Variants in ZHX1 observed in about 807,000 individuals in gnomAD.
ZHX1 encodes zinc fingers and homeoboxes protein 1.
ZHX1 carries 20 observed loss-of-function variants against 61.8 expected under a neutral mutation model. The ratio of observed to expected loss-of-function variants is 0.32; its 90% confidence interval spans 0.23 to 0.47. The LOEUF (loss-of-function observed/expected upper bound fraction) is 0.47, where lower values mean the gene tolerates loss of function less well. Ranked by LOEUF, ZHX1 falls within the 20% of genes least tolerant of loss-of-function variation. ZHX1 has a pLI of 1.00. For synonymous variants in ZHX1, 318 were observed against 352.6 expected (o/e 0.90, Z 1.10); for missense variants, 800 against 1,034.8 (o/e 0.77, Z 3.11).
rs755852551 is a variant in ZHX1 at position 123,254,362 on chromosome 8, G to T, written c.1585C>A (p.His529Asn). 2 of 1,613,978 alleles carry T rather than the reference G, an allele frequency of 1.2e-6. No homozygotes were observed. Among genetic ancestry groups the T allele is most frequent in the Admixed American group, 1.7e-5 (1 of 60,000 alleles). ...QRNSKSNQCL[H>N]LNNDSSTTII... is the part of the protein sequence containing the mutation. ...GTGGTAGAGGAATCATTGTTGAGAT[G>T]TAAGCACTGATTACTCTTTGAATTT... Residue 529 changes from histidine to asparagine, a missense_variant, in exon 3 of 4, where the codon CAT becomes AAT. By Grantham distance (68) the His-to-Asn change is moderately conservative (BLOSUM62 1). Transcript: ENST00000395571. This position sits in a 1 kb window ranked among gnomAD's most constrained non-coding sequence, Gnocchi z 4.1.
intron 2 of ZHX1, among the ~76,000 whole-genome samples, chr8:123,267,009 G>C (rs1826481025): frequency 6.6e-6 from 1 of 152,086 alleles, no homozygotes; most frequent in East Asian, 1.9e-4. Context: ...TGACACAGCA[G>C]ATTTTATCAA....
At chr8:123,258,954 AAG>A (rs1214339267) in intron 2 of ZHX1, among the ~76,000 whole-genome samples, 1 of 152,224 alleles carries the variant, frequency 6.6e-6, no homozygotes, top group Non-Finnish European at 1.5e-5. Flanking sequence ...AATGGAGAAG[AAG>A]AGAGTTTGCT....
chr8:123,274,778 CCCGCCTTCCTTGCGCT>C, upstream of ZHX1, among the ~76,000 whole-genome samples: 1 of 152,306 alleles, frequency 6.6e-6, no homozygotes, highest in Admixed American at 6.5e-5. Flanking sequence ...AGAAGGCAGC[CCCGCCTTCCTTGCGCT>C]CCGCCTTCCT....
At position 123,255,065 on chromosome 8, in the gene ZHX1, A is replaced by G; in HGVS notation, c.882T>C (p.Asp294=). The part of the protein sequence containing the change: ...NSIPTYNAAL[D]NNPLLLNTYN... ...AGGTGTTAAGTAAAAGGGGATTGTT[A>G]TCCAATGCAGCATTGTAGGTGGGAA... The change falls in exon 3 of 4, where the codon GAT becomes GAC. Residue 294 remains aspartate, a synonymous_variant. Coordinates refer to ENST00000395571, the MANE Select transcript of ZHX1 (RefSeq NM_007222.5). The G allele has an allele frequency of 6.2e-7, 1 of 1,614,176 alleles. No homozygotes were observed. Among genetic ancestry groups the G allele is most frequent in the Non-Finnish European group, 8.5e-7 (1 of 1,180,030 alleles).
chr8:123,265,503 T>C (rs577117594), intron 2 of ZHX1, among the ~76,000 whole-genome samples: 2 of 152,282 alleles, frequency 1.3e-5, no homozygotes, highest in South Asian at 4.1e-4. Context: ...TAGGTCATAT[T>C]AAAACAAAAG....
Position 123,254,351 on chromosome 8 carries a change from A to G in ZHX1, c.1596T>C (p.Asn532=). 1 of 1,614,084 alleles carries G rather than the reference A, an allele frequency of 6.2e-7. No homozygotes were observed. Among genetic ancestry groups the G allele is most frequent in the Non-Finnish European group, 8.5e-7 (1 of 1,180,000 alleles). ...CTATAATAATGGTGGTAGAGGAATCATTGTTGAGATGTAAGCACTGATTAC... is the reference window on the plus strand; with the variant it reads ...CTATAATAATGGTGGTAGAGGAATCGTTGTTGAGATGTAAGCACTGATTAC... ...SKSNQCLHLN[N]DSSTTIIIDS... is the part of the protein sequence containing the mutation. The change falls in exon 3 of 4, where the codon AAT becomes AAC. Residue 532 remains asparagine (N), a synonymous_variant. Coordinates refer to ENST00000395571, the MANE Select transcript of ZHX1 (RefSeq NM_007222.5). The surrounding 1 kb of genome is among the most constrained non-coding windows in gnomAD (Gnocchi z 4.1).
In ZHX1 at chr8:123,267,300, C is replaced by A; in HGVS notation, c.-253G>T. On this transcript the variant is annotated 5_prime_UTR_variant, in exon 2 of 4. Coordinates refer to ENST00000395571, the MANE Select transcript of ZHX1 (RefSeq NM_007222.5). Reference sequence around the variant, plus strand: ...GCCACAGCTTCCTTAGCATTCTGTTCTTTGAAATGGAAGGGTATCCCTTCT... The same window carrying A: ...GCCACAGCTTCCTTAGCATTCTGTTATTTGAAATGGAAGGGTATCCCTTCT... 1 of 1,530,526 alleles carries A rather than the reference C, an allele frequency of 6.5e-7. No homozygotes were observed. Among genetic ancestry groups the A allele is most frequent in the South Asian group, 1.2e-5 (1 of 83,356 alleles). 94.8% of individuals were successfully genotyped at this position (1,530,526 alleles called of 1,614,324 possible). A position where few individuals can be genotyped will look rare whatever the true frequency, so the allele number is the denominator to read the frequency against.
rs1315398271 is a variant in ZHX1 at position 123,255,234 on chromosome 8, A to G, written c.713T>C (p.Ile238Thr). Residue 238 changes from isoleucine (I) to threonine (T), a missense_variant, in exon 3 of 4, where the codon ATT becomes ACT. Coordinates refer to ENST00000395571, the MANE Select transcript of ZHX1 (RefSeq NM_007222.5). Reference protein sequence around the residue: ...SASESNTSTSIVNRIHPSTAS... With the variant: ...SASESNTSTSTVNRIHPSTAS... ...AGTACTTGGATGTATTCTGTTTACAATGGAAGTACTTGTATTAGATTCAGA... is the reference window on the plus strand; with the variant it reads ...AGTACTTGGATGTATTCTGTTTACAGTGGAAGTACTTGTATTAGATTCAGA... 2 of 1,614,216 alleles carry G rather than the reference A, an allele frequency of 1.2e-6. No individual in the cohort carries two copies. Among genetic ancestry groups the G allele is most frequent in the East Asian group, 2.2e-5 (1 of 44,888 alleles).
chr8:123,249,309 A>G lies in ZHX1; in HGVS notation c.*1015T>C, dbSNP rs1825852519. 1 of 152,190 alleles carries G rather than the reference A, an allele frequency of 6.6e-6. No homozygotes were observed. Among genetic ancestry groups the G allele is most frequent in the African/African-American group, 2.4e-5 (1 of 41,460 alleles). 9.4% of individuals were successfully genotyped at this position (152,190 alleles called of 1,614,324 possible). On this transcript the variant is annotated 3_prime_UTR_variant, in exon 4 of 4. Coordinates refer to ENST00000395571, the MANE Select transcript of ZHX1 (RefSeq NM_007222.5). ...GTCTCCTGATACGGCAAGAGTTAACAGTTAACACTCCCATGATTCATAAGT... is the reference window on the plus strand; with the variant it reads ...GTCTCCTGATACGGCAAGAGTTAACGGTTAACACTCCCATGATTCATAAGT...
At chr8:123,253,131 A>G in intron 3 of ZHX1, 191 bp downstream of exon 3, 1 of 485,086 alleles carries the variant, frequency 2.1e-6, no homozygotes, top group Non-Finnish European at 3.6e-6. Context: ...TAAACTCTAC[A>G]TAATAATAAT....
chr8:123,256,399 T>A (rs1299097688), intron 2 of ZHX1, among the ~76,000 whole-genome samples: 1 of 152,202 alleles, frequency 6.6e-6, no homozygotes, highest in African/African-American at 2.4e-5. Flanking sequence ...GCTTATTCAT[T>A]TAAATTTTTT....
chr8:123,258,999 G>A (rs1826162781), intron 2 of ZHX1, among the ~76,000 whole-genome samples: 2 of 152,170 alleles, frequency 1.3e-5, no homozygotes, highest in Admixed American at 6.5e-5. Flanking sequence ...AGGTCCCTAT[G>A]AGACAATACA....
intron 2 of ZHX1, among the ~76,000 whole-genome samples, chr8:123,258,677 A>G (rs1450541162): frequency 6.6e-6 from 1 of 152,226 alleles, no homozygotes; most frequent in Non-Finnish European, 1.5e-5. Flanking sequence ...ACAAAACTCA[A>G]CAGGACCTGC....
chr8:123,255,605 A>G lies in ZHX1; in HGVS notation c.342T>C (p.Tyr114=), dbSNP rs1826047589. ...TCAGATTATGCTCAGAAAGTGCATCATACCTTTTGGTAAGAAAATTGCATT... is the reference window on the plus strand; with the variant it reads ...TCAGATTATGCTCAGAAAGTGCATCGTACCTTTTGGTAAGAAAATTGCATT... ...CVECNFLTKR[Y]DALSEHNLKY... is the part of the protein sequence containing the mutation. Residue 114 remains tyrosine, a synonymous_variant, in exon 3 of 4, where the codon TAT becomes TAC. Transcript: ENST00000395571. 12 of 1,613,426 alleles carry G rather than the reference A, an allele frequency of 7.4e-6. No homozygotes were observed. Among genetic ancestry groups the G allele is most frequent in the South Asian group, 1.1e-5 (1 of 91,078 alleles).
chr8:123,259,708 A>G (rs1826187769), intron 2 of ZHX1, among the ~76,000 whole-genome samples: 1 of 152,200 alleles, frequency 6.6e-6, no homozygotes, highest in Non-Finnish European at 1.5e-5. Context: ...TCTGAGAGAG[A>G]CTATATTTAA....
intron 1 of ZHX1, chr8:123,273,876 T>A (rs1826747552): frequency 6.6e-6 from 1 of 152,494 alleles, no homozygotes; most frequent in Non-Finnish European, 1.5e-5. Context: ...GGGGCTGAGA[T>A]GTTCCCTCCA....
At chr8:123,273,510 G>A (rs532987657) in intron 1 of ZHX1, among the ~76,000 whole-genome samples, 4 of 152,084 alleles carry the variant, frequency 2.6e-5, no homozygotes, top group Non-Finnish European at 5.9e-5. Context: ...CGTCACAATC[G>A]TAATATGGTT....
chr8:123,267,388 T>TTTCCCGTGCCGGCCGCGG lies in ZHX1; in HGVS notation c.-339-3_-339-2insCCGCGGCCGGCACGGGAA. ...TCCAAAGCAGCAGTCTGTCTTCTCCTACAAAAAAGTCATATTTTATTATTC... is the reference window on the plus strand; with the variant it reads ...TCCAAAGCAGCAGTCTGTCTTCTCCTTTCCCGTGCCGGCCGCGGACAAAAAAGTCATATTTTATTATTC... On this transcript the variant is annotated splice_polypyrimidine_tract_variant and splice_region_variant and intron_variant, in intron 1 of 3. Transcript: ENST00000395571. 2.1e-6 allele frequency: 2 copies of TTTCCCGTGCCGGCCGCGG among 932,690 alleles called. No homozygotes were observed. Among genetic ancestry groups the TTTCCCGTGCCGGCCGCGG allele is most frequent in the South Asian group, 5.3e-5 (2 of 37,654 alleles). The allele number at this position is 932,690 out of a possible 1,614,324, so 57.8% of individuals were successfully genotyped here.
At chr8:123,269,018 A>G (rs956813745) in intron 1 of ZHX1, among the ~76,000 whole-genome samples, 3 of 152,190 alleles carry the variant, frequency 2.0e-5, no homozygotes, top group African/African-American at 4.8e-5. Flanking sequence ...CATGAAAAGC[A>G]AAAGAGCATT....
Sources: gnomAD v4.1 joint callset for allele counts (sites outside exome capture counted in the v4.1 genomes callset) on GRCh38, gnomAD v4.1.1 for gene constraint, Gnocchi (gnomAD v3.1) non-coding constraint, MANE v1.5 for transcripts, NCBI Gene and HGNC (gene_info 2026-07-23, HGNC 2026-07-21) for gene names.